Variants in NHS observed in about 807,000 individuals in gnomAD.
NHS encodes the protein actin remodeling regulator NHS.
A neutral mutation model predicts 72.5 loss-of-function variants in NHS; 5 were observed. The ratio of observed to expected loss-of-function variants is 0.07; its 90% CI spans 0.04 to 0.14. The LOEUF is 0.14. Ranked by LOEUF, NHS falls within the 10% of genes least tolerant of loss-of-function variation. NHS has a pLI of 1.00. For missense variants in NHS, 1,072 were observed against 1,355.7 expected (o/e 0.79, Z 3.29); for synonymous variants, 464 against 547.7 (o/e 0.85, Z 2.13).
intron 1 of NHS, among the ~76,000 whole-genome samples, chrX:17,380,567 G>A (rs1042626909): frequency 2.7e-5 from 3 of 110,616 alleles, no homozygotes; most frequent in Admixed American, 9.6e-5. Context: ...TACCCGGGGT[G>A]GTCTCGAACT....
chrX:17,598,867 C>CA (rs2065636786), intron 1 of NHS, among the ~76,000 whole-genome samples: 1 of 111,393 alleles, frequency 9.0e-6, no homozygotes, highest in Non-Finnish European at 1.9e-5. Flanking sequence ...ACTCTCCTCA[C>CA]AAAAAAACCC....
intron 1 of NHS, among the ~76,000 whole-genome samples, chrX:17,572,491 C>CTTTTTTTTTTTTTTTTTTT (rs760577193): frequency 1.5e-4 from 7 of 46,764 alleles, no homozygotes; most frequent in African/African-American, 6.5e-4. Context: ...GCAACCCCTG[C>CTTTTTTTTTTTTTTTTTTT]TTTTTTTTTT....
intron 1 of NHS, among the ~76,000 whole-genome samples, chrX:17,477,534 TG>T (rs1031045298): frequency 8.9e-6 from 1 of 111,990 alleles, no homozygotes; most frequent in African/African-American, 3.2e-5. Context: ...GGGGAGTCAC[TG>T]GGGGGCTTTT....
At chrX:17,586,911 T>G (rs2065579098) in intron 1 of NHS, 1 of 112,054 alleles carries the variant, frequency 8.9e-6, no homozygotes, top group African/African-American at 3.2e-5. Flanking sequence ...GGTATCACGA[T>G]TTTCTCTTAA....
intron 1 of NHS, among the ~76,000 whole-genome samples, chrX:17,561,568 G>A (rs766510587): frequency 0.014 from 913 of 65,425 alleles, 16 homozygotes; most frequent in African/African-American, 0.053. Flanking sequence ...GCGCGCGCGC[G>A]CGCGCGCACA....
At chrX:17,716,746 A>G (rs1413304822) in intron 3 of NHS, among the ~76,000 whole-genome samples, 1 of 111,385 alleles carries the variant, frequency 9.0e-6, no homozygotes, top group African/African-American at 3.3e-5. Context: ...TTAGAAAAAT[A>G]GAACAGAATT....
At chrX:17,608,074 C>G (rs1240345326) in intron 1 of NHS, among the ~76,000 whole-genome samples, 1 of 108,795 alleles carries the variant, frequency 9.2e-6, no homozygotes, top group Non-Finnish European at 1.9e-5. Context: ...GCTACCATGC[C>G]CAGCTAATTT....
chrX:17,426,997 T>C (rs2064660434), intron 1 of NHS, among the ~76,000 whole-genome samples: 1 of 111,764 alleles, frequency 8.9e-6, no homozygotes, highest in Admixed American at 9.5e-5. Context: ...AGTTCCAGCT[T>C]TGAGATTAAT....
intron 1 of NHS, among the ~76,000 whole-genome samples, chrX:17,581,824 A>G (rs762408810): frequency 1.8e-5 from 2 of 112,240 alleles, no homozygotes; most frequent in Non-Finnish European, 3.8e-5. Context: ...TTGTCAGGAA[A>G]ACAAGCAAGG....
chrX:17,719,016 A>C (rs1339201130), intron 3 of NHS, among the ~76,000 whole-genome samples: 1 of 94,444 alleles, frequency 1.1e-5, no homozygotes, highest in Non-Finnish European at 2.1e-5. Flanking sequence ...AGAAGAAAGG[A>C]AGGAAGAAAA....
intron 1 of NHS, among the ~76,000 whole-genome samples, chrX:17,533,443 C>T (rs184149034): frequency 4.5e-5 from 5 of 110,899 alleles, no homozygotes; most frequent in Admixed American, 3.8e-4. Context: ...TGCACCACCA[C>T]GCCTGGCTAA....
intron 1 of NHS, among the ~76,000 whole-genome samples, chrX:17,383,293 A>G (rs1445089938): frequency 1.8e-5 from 2 of 111,631 alleles, no homozygotes; most frequent in African/African-American, 6.5e-5. Context: ...GGCTGGGGGT[A>G]TGGTAGAGAT....
At chrX:17,496,087 C>T (rs2065011130) in intron 1 of NHS, among the ~76,000 whole-genome samples, 1 of 111,342 alleles carries the variant, frequency 9.0e-6, no homozygotes, top group Middle Eastern at 4.6e-3. Flanking sequence ...TCCTCCTGCC[C>T]TCCAATCTCC....
intron 1 of NHS, among the ~76,000 whole-genome samples, chrX:17,463,505 G>T (rs949223365): frequency 9.0e-6 from 1 of 111,024 alleles, no homozygotes; most frequent in African/African-American, 3.3e-5. Context: ...GTATTTCTTG[G>T]GTAAAGCATA....
chrX:17,398,659 A>G (rs2064488024), intron 1 of NHS, among the ~76,000 whole-genome samples: 1 of 111,889 alleles, frequency 8.9e-6, no homozygotes, highest in South Asian at 3.7e-4. Flanking sequence ...GTCACCTGAG[A>G]ACTGACTGGT....
chrX:17,640,003 A>G (rs1415653004), intron 1 of NHS, among the ~76,000 whole-genome samples: 2 of 111,685 alleles, frequency 1.8e-5, no homozygotes, highest in Non-Finnish European at 3.8e-5. Context: ...AAAAATACCT[A>G]TTTGCCTTTG....
chrX:17,424,923 T>C (rs2064643669), intron 1 of NHS, among the ~76,000 whole-genome samples: 1 of 111,521 alleles, frequency 9.0e-6, no homozygotes, highest in African/African-American at 3.3e-5. Flanking sequence ...GTCTGTTGAC[T>C]TTATCAGATG....
At chrX:17,586,571 C>G (rs1313987094) in intron 1 of NHS, 1 of 112,410 alleles carries the variant, frequency 8.9e-6, no homozygotes, top group Non-Finnish European at 1.9e-5. Context: ...TAACCACATG[C>G]TCCTTGGCCA....
chrX:17,512,201 C>T (rs374242831), intron 1 of NHS, among the ~76,000 whole-genome samples: 44 of 111,492 alleles, frequency 3.9e-4, no homozygotes, highest in African/African-American at 1.4e-3. Flanking sequence ...CCATGCTATG[C>T]AAAATTATGC....
Sources: allele counts gnomAD v4.1 joint callset (sites outside exome capture counted in the v4.1 genomes callset), GRCh38; gene constraint gnomAD v4.1.1; transcripts MANE v1.5; gene names NCBI Gene and HGNC (gene_info 2026-07-23, HGNC 2026-07-21).